TIAM2: variants seen among roughly 807,000 people sequenced by gnomAD.
TIAM2 encodes TIAM Rac1 associated GEF 2.
TIAM2 carries 80 observed loss-of-function variants against 152.9 expected under a neutral mutation model. The observed-to-expected ratio is 0.52, with a 90% CI of 0.44 to 0.63. The LOEUF is 0.63. Ranked by LOEUF, TIAM2 falls within the 30% of genes least tolerant of loss-of-function variation. The pLI is 0.00. For missense variants in TIAM2, 1,965 were observed against 2,120.1 expected, an observed-to-expected ratio of 0.93 and a Z score of 1.44; for synonymous variants, 804 against 838.0, an observed-to-expected ratio of 0.96 and a Z score of 0.70.
At chr6:155,049,004 T>C (rs1475687896) in intron 1 of TIAM2, among the ~76,000 whole-genome samples, 2 of 152,066 alleles carry the variant, frequency 1.3e-5, no homozygotes, top group Non-Finnish European at 2.9e-5. Context: ...TTTCACCATA[T>C]TGGTCAGGCT....
At chr6:155,013,711 T>G (rs1165644785) in intron 1 of TIAM2, 1 of 152,138 alleles carries the variant, frequency 6.6e-6, no homozygotes, top group East Asian at 1.9e-4. Flanking sequence ...AAATTATCTG[T>G]GACACTGCAT....
intron 21 of TIAM2, chr6:155,250,399 T>C (rs183301981): frequency 5.3e-5 from 32 of 599,196 alleles, no homozygotes; most frequent in East Asian, 5.3e-4. Context: ...TTTATCTGAT[T>C]GCTTAATTTA....
In TIAM2 at chr6:155,129,738, G is replaced by A. The variant is rs1280738635; in HGVS notation, c.515G>A (p.Cys172Tyr). The A allele has an allele frequency of 5.6e-6, 9 of 1,613,940 alleles. No homozygotes were observed. Among genetic ancestry groups the A allele is most frequent in the African/African-American group, 1.3e-5 (1 of 75,048 alleles). ...AAAACGCTGGGGAAGCTGGATGGGT[G>A]TTTAAGGGTCGAGTTCCACAATGGT... ...LIKTLGKLDG[C>Y]LRVEFHNGGN... The change falls in exon 4 of 27, where the codon TGT becomes TAT. Residue 172 changes from cysteine to tyrosine, a missense_variant. Coordinates refer to ENST00000682666, the MANE Select transcript of TIAM2 (RefSeq NM_012454.4). The surrounding 1 kb of genome is among the most constrained non-coding windows in gnomAD (Gnocchi z 4.8).
At chr6:155,110,975 T>C (rs1029001094) in intron 2 of TIAM2, among the ~76,000 whole-genome samples, 3 of 152,136 alleles carry the variant, frequency 2.0e-5, no homozygotes, top group Non-Finnish European at 2.9e-5. Context: ...GACCCATCTC[T>C]ATAGTCGCAG....
intron 1 of TIAM2, among the ~76,000 whole-genome samples, chr6:155,037,733 T>C (rs1776949050): frequency 6.6e-6 from 1 of 152,160 alleles, no homozygotes; most frequent in South Asian, 2.1e-4. Flanking sequence ...TTTTGACATG[T>C]AGGCCAGTCT....
At chr6:155,231,423 C>A (rs1203675100) in intron 15 of TIAM2, among the ~76,000 whole-genome samples, 1 of 152,196 alleles carries the variant, frequency 6.6e-6, no homozygotes, top group Admixed American at 6.5e-5. Context: ...CATACAATTT[C>A]CCTGGAGTAT....
chr6:155,173,193 GTGTGTGTGTC>G (rs942455150), intron 9 of TIAM2, among the ~76,000 whole-genome samples: 9 of 141,612 alleles, frequency 6.4e-5, no homozygotes, highest in African/African-American at 2.8e-4. Flanking sequence ...GTGTGTGTGT[GTGTGTGTGTC>G]TGTCTGTCTG....
At chr6:155,139,894 C>T (rs1779650922) in intron 5 of TIAM2, among the ~76,000 whole-genome samples, 1 of 152,186 alleles carries the variant, frequency 6.6e-6, no homozygotes, top group South Asian at 2.1e-4. Flanking sequence ...GAGCTGAGAT[C>T]ATGCCACTGC....
intron 2 of TIAM2, among the ~76,000 whole-genome samples, chr6:155,118,262 T>C (rs1326910542): frequency 1.3e-5 from 2 of 152,148 alleles, no homozygotes; most frequent in Non-Finnish European, 2.9e-5. Flanking sequence ...CCTTCACACC[T>C]TTCCCTGAAG....
chr6:155,199,571 A>C (rs906119438), intron 14 of TIAM2, among the ~76,000 whole-genome samples: 1 of 152,226 alleles, frequency 6.6e-6, no homozygotes, highest in East Asian at 1.9e-4. Flanking sequence ...AAAACAAGGG[A>C]TGAGGCAAAA....
rs118091661 is a variant in TIAM2 at position 155,032,178 on chromosome 6, A to G, written c.-209+36686A>G. Among the ~76,000 whole-genome samples, 1,092 of 151,534 alleles carry G rather than the reference A, an allele frequency of 7.2e-3. 7 individuals carry two copies. The highest frequency in any genetic ancestry group is 0.014 in the Middle Eastern group (4 of 294). ...GCCACTTGCCAAAATGTTCTCCCCA[A>G]TGTTCCTGTGTGTTTTCTCCTGGTG... On this transcript the variant is annotated intron_variant, in intron 1 of 26. Transcript: ENST00000682666.
At chr6:155,023,779 T>C (rs1395349725) in intron 1 of TIAM2, among the ~76,000 whole-genome samples, 1 of 152,220 alleles carries the variant, frequency 6.6e-6, no homozygotes, top group Non-Finnish European at 1.5e-5. Context: ...GAAGTCCTAA[T>C]TGAAACCTTA....
chr6:155,078,066 C>CT (rs113275068), intron 1 of TIAM2, among the ~76,000 whole-genome samples: 29 of 149,454 alleles, frequency 1.9e-4, no homozygotes, highest in Non-Finnish European at 3.0e-4. Flanking sequence ...TCCAACTTGA[C>CT]TTTTTTTTTT....
intron 1 of TIAM2, among the ~76,000 whole-genome samples, chr6:155,040,955 AGGGAGCTGG>A (rs1777014005): frequency 6.6e-6 from 1 of 152,180 alleles, no homozygotes; most frequent in Non-Finnish European, 1.5e-5. Flanking sequence ...TATTATAATG[AGGGAGCTGG>A]GTACTTGTAA....
chr6:155,012,803 G>C (rs193162568), intron 1 of TIAM2, among the ~76,000 whole-genome samples: 7 of 152,250 alleles, frequency 4.6e-5, no homozygotes, highest in African/African-American at 1.7e-4. Context: ...CGCCCTACTC[G>C]GGCTCCCAAA....
At chr6:155,074,692 A>G (rs1389071916) in intron 1 of TIAM2, among the ~76,000 whole-genome samples, 1 of 152,124 alleles carries the variant, frequency 6.6e-6, no homozygotes, top group Non-Finnish European at 1.5e-5. Context: ...ATTATTATCA[A>G]GAAGGCTTTT....
chr6:155,223,609 A>G (rs1489329441), intron 15 of TIAM2, among the ~76,000 whole-genome samples: 2 of 145,328 alleles, frequency 1.4e-5, no homozygotes, highest in Non-Finnish European at 3.0e-5. Flanking sequence ...ACGTGCTGGG[A>G]TGTTTTGGCA....
chr6:155,254,415 CCAGT>C lies in TIAM2; in HGVS notation c.4314-3_4314del. 6.2e-7 allele frequency: 1 copy of C among 1,610,910 alleles called. No individual in the cohort carries two copies. The highest frequency in any genetic ancestry group is 8.5e-7 in the Non-Finnish European group (1 of 1,177,186). ...TCTGCTGTTTTCTCTCCCCCCCCACCCAGTGACAGTGAAAGCAAAACCAACATTG... is the reference window on the plus strand; with the variant it reads ...TCTGCTGTTTTCTCTCCCCCCCCACCGACAGTGAAAGCAAAACCAACATTG... On this transcript the variant is annotated splice_acceptor_variant and splice_polypyrimidine_tract_variant and coding_sequence_variant and intron_variant, in exon 26 of 27. Transcript: ENST00000682666. LOFTEE classifies it high-confidence loss of function.
intron 9 of TIAM2, among the ~76,000 whole-genome samples, chr6:155,172,521 G>C (rs902382407): frequency 6.6e-6 from 1 of 150,934 alleles, no homozygotes; most frequent in Non-Finnish European, 1.5e-5. Flanking sequence ...AAGTGCAGAG[G>C]CACTAGATAA....
Sources: allele counts gnomAD v4.1 joint callset (sites outside exome capture counted in the v4.1 genomes callset), GRCh38; gene constraint gnomAD v4.1.1; non-coding constraint Gnocchi (gnomAD v3.1); transcripts MANE v1.5; gene names NCBI Gene and HGNC (gene_info 2026-07-23, HGNC 2026-07-21).